Variants in XKR6 observed in about 807,000 individuals in gnomAD.
XKR6 encodes the protein XK related 6.
Under a neutral mutation model 56.7 loss-of-function variants are expected in XKR6, and 22 were observed. The observed-to-expected ratio is 0.39, with a 90% CI of 0.28 to 0.55. XKR6 has a LOEUF of 0.55. XKR6 is among the 20% of genes least tolerant of loss of function. The probability of loss-of-function intolerance (pLI) is 0.66; values close to 1 mark genes in which losing one functional copy is unlikely to be tolerated. For missense variants in XKR6, 852 were observed against 889.0 expected (o/e 0.96, Z 0.53); for synonymous variants, 524 against 387.8 (o/e 1.35, Z -4.13).
At chr8:11,012,397 G>A (rs937696606) in intron 1 of XKR6, among the ~76,000 whole-genome samples, 1 of 152,174 alleles carries the variant, frequency 6.6e-6, no homozygotes, top group African/African-American at 2.4e-5. Context: ...AACTGAATGA[G>A]TTAATACATG....
chr8:11,081,139 A>G (rs901602252), intron 1 of XKR6, among the ~76,000 whole-genome samples: 8 of 152,142 alleles, frequency 5.3e-5, no homozygotes, highest in African/African-American at 1.9e-4. Context: ...TGATTTTGCT[A>G]AAGCCGGATT....
intron 1 of XKR6, among the ~76,000 whole-genome samples, chr8:11,081,296 C>A (rs1797714217): frequency 6.6e-6 from 1 of 152,220 alleles, no homozygotes; most frequent in Non-Finnish European, 1.5e-5. Context: ...ATTAAACACT[C>A]ATATGGAATG....
At chr8:11,006,027 A>C (rs1434402097) in intron 1 of XKR6, among the ~76,000 whole-genome samples, 1 of 151,996 alleles carries the variant, frequency 6.6e-6, no homozygotes, top group Non-Finnish European at 1.5e-5. Context: ...TACTTTCAGT[A>C]GAGACGGGGT....
At chr8:10,924,543 A>G (rs1409495028) in intron 2 of XKR6, 91 bp downstream of exon 2, 15 of 1,474,234 alleles carry the variant, frequency 1.0e-5, no homozygotes, top group Non-Finnish European at 1.4e-5. Flanking sequence ...ATGCCCACAG[A>G]GCGTGCCAGG....
chr8:10,945,325 A>G (rs538304569), intron 1 of XKR6, among the ~76,000 whole-genome samples: 1 of 152,238 alleles, frequency 6.6e-6, no homozygotes, highest in African/African-American at 2.4e-5. Flanking sequence ...CTCTACTAAA[A>G]CTACAAAAAT....
At chr8:11,170,377 G>A (rs1802306350) in intron 1 of XKR6, among the ~76,000 whole-genome samples, 1 of 152,202 alleles carries the variant, frequency 6.6e-6, no homozygotes, top group East Asian at 1.9e-4. Flanking sequence ...TCATAAAAAG[G>A]AGTGAAGTAT....
At chr8:11,117,129 G>T (rs184787397) in intron 1 of XKR6, among the ~76,000 whole-genome samples, 1 of 152,126 alleles carries the variant, frequency 6.6e-6, no homozygotes, top group Non-Finnish European at 1.5e-5. Flanking sequence ...AACATTCAAC[G>T]TCAAAGATAT....
intron 1 of XKR6, among the ~76,000 whole-genome samples, chr8:11,185,757 CTTT>C (rs1803242272): frequency 6.6e-6 from 1 of 152,196 alleles, no homozygotes; most frequent in African/African-American, 2.4e-5. Flanking sequence ...GGCTACAATA[CTTT>C]TCATTGAGTC....
At chr8:11,086,574 G>C (rs945888543) in intron 1 of XKR6, among the ~76,000 whole-genome samples, 1 of 152,196 alleles carries the variant, frequency 6.6e-6, no homozygotes, top group Non-Finnish European at 1.5e-5. Context: ...AGTGTAAAAT[G>C]TCAGATAGAA....
At chr8:11,034,119 C>A (rs1799078736) in intron 1 of XKR6, among the ~76,000 whole-genome samples, 1 of 152,148 alleles carries the variant, frequency 6.6e-6, no homozygotes, top group South Asian at 2.1e-4. Flanking sequence ...AAAACGCATG[C>A]CTCAAGGAGA....
chr8:10,956,401 C>T (rs940495828), intron 1 of XKR6, among the ~76,000 whole-genome samples: 2 of 152,160 alleles, frequency 1.3e-5, no homozygotes, highest in African/African-American at 4.8e-5. Context: ...TCTGCAGGAT[C>T]TGCCCAACAC....
chr8:10,987,484 T>C (rs939562125), intron 1 of XKR6, among the ~76,000 whole-genome samples: 1 of 152,190 alleles, frequency 6.6e-6, no homozygotes, highest in African/African-American at 2.4e-5. Flanking sequence ...AAATATATGT[T>C]TAGATTCCAG....
intron 2 of XKR6, among the ~76,000 whole-genome samples, chr8:10,900,045 G>A (rs1199810493): frequency 1.3e-5 from 2 of 151,774 alleles, no homozygotes; most frequent in Admixed American, 1.3e-4. Flanking sequence ...AGTCCATCTG[G>A]GGCCTCTTTT....
chr8:10,939,527 G>C (rs1334585969), intron 1 of XKR6, among the ~76,000 whole-genome samples: 1 of 152,226 alleles, frequency 6.6e-6, no homozygotes, highest in Non-Finnish European at 1.5e-5. Context: ...TTGGGCACCT[G>C]ACCTGCACCC....
In XKR6 at chr8:10,924,430, A is replaced by G. The variant is rs140984739; in HGVS notation, c.961+204T>C. ...TGGCCTGGAGGTGCCAAGCCAGCCC[A>G]CATACATTCAGAACATGCCTGTGCA... On this transcript the variant is annotated intron_variant, in intron 2 of 2. Coordinates refer to ENST00000416569, the MANE Select transcript of XKR6 (RefSeq NM_173683.4). Among the ~76,000 whole-genome samples, 227 of 152,390 alleles carry G rather than the reference A, an allele frequency of 1.5e-3. 1 individual carries two copies. The highest frequency in any genetic ancestry group is 2.3e-3 in the Non-Finnish European group (156 of 68,032).
At chr8:11,122,362 C>A (rs778155180) in intron 1 of XKR6, among the ~76,000 whole-genome samples, 9 of 152,224 alleles carry the variant, frequency 5.9e-5, no homozygotes, top group Non-Finnish European at 1.3e-4. Context: ...TGCCCCAAAT[C>A]AACACTAACC....
chr8:10,898,943 G>T lies in XKR6; in HGVS notation c.962-27C>A. On this transcript the variant is annotated intron_variant, in intron 2 of 2. Transcript: ENST00000416569. This position sits in a 1 kb window ranked among gnomAD's most constrained non-coding sequence, Gnocchi z 6.6. ...TGCCGGAAAGACACAAACCCACACA[G>T]TCAAAACCTTGGACATCAACCGCAG... 6.4e-7 allele frequency: 1 copy of T among 1,566,478 alleles called. No homozygotes were observed.
At chr8:11,073,690 G>T (rs943784552) in intron 1 of XKR6, among the ~76,000 whole-genome samples, 9 of 152,204 alleles carry the variant, frequency 5.9e-5, no homozygotes, top group Non-Finnish European at 1.0e-4. Context: ...CCTGATACCT[G>T]CACTGCACGT....
At chr8:11,157,655 A>G (rs886221499) in intron 1 of XKR6, among the ~76,000 whole-genome samples, 1 of 152,122 alleles carries the variant, frequency 6.6e-6, no homozygotes, top group African/African-American at 2.4e-5. Context: ...AGCTAGGGCT[A>G]TAGGTGCATG....
Sources: allele counts gnomAD v4.1 joint callset (sites outside exome capture counted in the v4.1 genomes callset), GRCh38; gene constraint gnomAD v4.1.1; non-coding constraint Gnocchi (gnomAD v3.1); transcripts MANE v1.5; gene names NCBI Gene and HGNC (gene_info 2026-07-23, HGNC 2026-07-21).